The following C8A variants were observed in gnomAD, a reference collection of about 807,000 sequenced individuals.
C8A encodes complement C8 alpha chain, also known as complement component C8 alpha chain.
A neutral mutation model predicts 65.3 loss-of-function variants in C8A; 67 were observed. The observed-to-expected ratio is 1.03, with a 90% CI of 0.84 to 1.26. The LOEUF (loss-of-function observed/expected upper bound fraction) is 1.26. Among genes scored for constraint, C8A ranks in the 50% most tolerant of loss-of-function variants. The pLI is 0.00. For synonymous variants in C8A, 290 were observed against 259.4 expected, an observed-to-expected ratio of 1.12 and a Z score of -1.13; for missense variants, 781 against 723.9, an observed-to-expected ratio of 1.08 and a Z score of -0.90.
chr1:56,854,954 T>C lies in C8A; in HGVS notation c.53T>C (p.Val18Ala), dbSNP rs1487247262. ...TCTTTGATGACTTGTCAGCCTGGGG[T>C]AACTGCACAGGAGAAGGTGAACCAG... is the stretch of plus-strand genomic sequence containing the variant. The part of the protein sequence containing the change: ...ILSLMTCQPG[V>A]TAQEKVNQRV... Residue 18 changes from valine to alanine, a missense_variant, in exon 1 of 11, where the codon GTA (valine) becomes GCA (alanine). Coordinates refer to ENST00000361249, the MANE Select transcript of C8A (RefSeq NM_000562.3). The C allele has an allele frequency of 3.7e-6, 6 of 1,613,676 alleles. No homozygotes were observed. The Admixed American group carries it at 8.3e-5, about 22-fold the overall frequency.
chr1:56,906,583 C>T (rs749962449), intron 7 of C8A, 84 bp from the exon 8 acceptor site: 10 of 1,547,324 alleles, frequency 6.5e-6, no homozygotes, highest in Non-Finnish European at 4.5e-6. Context: ...CTGAAGCTAG[C>T]TTTTACTACT....
intron 8 of C8A, 67 bp downstream of exon 8, chr1:56,906,859 A>C: frequency 1.9e-6 from 3 of 1,594,130 alleles, no homozygotes; most frequent in Non-Finnish European, 2.6e-6. Context: ...ACACTGGGAC[A>C]TGGAAGCTAT....
chr1:56,870,912 T>C (rs1236270337), intron 2 of C8A, among the ~76,000 whole-genome samples: 1 of 152,190 alleles, frequency 6.6e-6, no homozygotes, highest in East Asian at 1.9e-4. Flanking sequence ...AAGGAAACAT[T>C]ATCTACCAGT....
At chr1:56,906,942 C>G (rs903333572) in intron 8 of C8A, 150 bp downstream of exon 8, 3 of 942,908 alleles carry the variant, frequency 3.2e-6, no homozygotes, top group Middle Eastern at 2.3e-4. Context: ...AAACAATGAC[C>G]TGCAGTGGCT....
chr1:56,874,225 G>A (rs938865192), intron 2 of C8A, among the ~76,000 whole-genome samples: 59 of 152,190 alleles, frequency 3.9e-4, no homozygotes, highest in African/African-American at 1.4e-3. Flanking sequence ...GTTGAGTCAT[G>A]TGCCAATCCT....
At chr1:56,880,037 G>A (rs1021564689) in intron 4 of C8A, among the ~76,000 whole-genome samples, 1 of 152,154 alleles carries the variant, frequency 6.6e-6, no homozygotes, top group Admixed American at 6.6e-5. Context: ...TTGACAGAAG[G>A]CAACATTTGA....
At position 56,904,049 on chromosome 1, in the gene C8A, T is replaced by C. The variant is rs114290959; in HGVS notation, c.1097-2618T>C. Among the ~76,000 whole-genome samples the C allele has an allele frequency of 6.2e-3, 947 of 152,296 alleles. 12 individuals are homozygous for C. Among genetic ancestry groups the C allele is most frequent in the South Asian group, 0.04 (192 of 4,828 alleles). ...TCTAGTTCCATGAATATAGTCAGTC[T>C]ATCCACACTACACACCTATCTGGGC... is the stretch of plus-strand genomic sequence containing the variant. On this transcript the variant is annotated intron_variant, in intron 7 of 10. Coordinates refer to ENST00000361249, the MANE Select transcript of C8A (RefSeq NM_000562.3).
At chr1:56,889,950 C>T (rs560324326) in intron 7 of C8A, among the ~76,000 whole-genome samples, 9 of 152,226 alleles carry the variant, frequency 5.9e-5, no homozygotes, top group Admixed American at 2.6e-4. Flanking sequence ...TTCTACCTTC[C>T]GCAGGTATCA....
chr1:56,895,098 A>G (rs1644378751), intron 7 of C8A, among the ~76,000 whole-genome samples: 1 of 152,152 alleles, frequency 6.6e-6, no homozygotes, highest in South Asian at 2.1e-4. Context: ...GGTTAAGTAA[A>G]TGGCTCAGTG....
intron 7 of C8A, among the ~76,000 whole-genome samples, chr1:56,905,407 A>G (rs760189042): frequency 3.9e-5 from 6 of 152,246 alleles, no homozygotes; most frequent in Non-Finnish European, 8.8e-5. Flanking sequence ...TCCTTCCATC[A>G]GAAACCCTTA....
chr1:56,856,288 T>C (rs1379289124), intron 1 of C8A, among the ~76,000 whole-genome samples: 1 of 152,146 alleles, frequency 6.6e-6, no homozygotes, highest in Non-Finnish European at 1.5e-5. Flanking sequence ...CTCAGGCAAG[T>C]TATTTAATTT....
chr1:56,863,123 A>C (rs1054609006), intron 1 of C8A, among the ~76,000 whole-genome samples: 2 of 152,224 alleles, frequency 1.3e-5, no homozygotes, highest in African/African-American at 2.4e-5. Flanking sequence ...ATATGTTATG[A>C]AAATAAACAG....
intron 4 of C8A, among the ~76,000 whole-genome samples, chr1:56,878,645 C>G (rs905539662): frequency 5.9e-5 from 9 of 151,962 alleles, no homozygotes; most frequent in Non-Finnish European, 2.9e-5. Flanking sequence ...TTAAGCATTT[C>G]CCAGATTAAA....
chr1:56,889,734 T>C (rs1307918585), intron 7 of C8A, among the ~76,000 whole-genome samples: 5 of 152,112 alleles, frequency 3.3e-5, no homozygotes, highest in African/African-American at 1.2e-4. Context: ...TCTTTTGTCC[T>C]TGGGTTTGCT....
chr1:56,898,887 C>A (rs1348472791), intron 7 of C8A, among the ~76,000 whole-genome samples: 2 of 152,086 alleles, frequency 1.3e-5, no homozygotes, highest in Non-Finnish European at 2.9e-5. Flanking sequence ...CTGAATTGGA[C>A]AATAAGGAGG....
intron 7 of C8A, among the ~76,000 whole-genome samples, chr1:56,895,549 G>A (rs1229335869): frequency 6.6e-6 from 1 of 152,094 alleles, no homozygotes; most frequent in Non-Finnish European, 1.5e-5. Context: ...TTAGTAGATT[G>A]TAAAAGAAAT....
chr1:56,867,589 T>G lies in C8A; in HGVS notation c.78-20T>G. 6.3e-7 allele frequency: 1 copy of G among 1,590,522 alleles called. No homozygotes were observed. The highest frequency in any genetic ancestry group is 8.6e-7 in the Non-Finnish European group (1 of 1,158,784). ...AATTTTGCATCTCAAAATTGATGCA[T>G]GGATCTTCCCTTTCTTTAGGAGAGT... On this transcript the variant is annotated intron_variant, in intron 1 of 10. Transcript: ENST00000361249.
intron 1 of C8A, among the ~76,000 whole-genome samples, chr1:56,856,273 C>T (rs1347936264): frequency 6.6e-6 from 1 of 152,142 alleles, no homozygotes; most frequent in African/African-American, 2.4e-5. Context: ...CACTAGCTGT[C>T]TGATCTCAGG....
intron 7 of C8A, among the ~76,000 whole-genome samples, chr1:56,891,726 A>C (rs1315174135): frequency 6.6e-6 from 1 of 152,108 alleles, no homozygotes; most frequent in Non-Finnish European, 1.5e-5. Context: ...GTGTGTGTGC[A>C]TGCACACATA....
Sources: gnomAD v4.1 joint callset for allele counts (sites outside exome capture counted in the v4.1 genomes callset) on GRCh38, gnomAD v4.1.1 for gene constraint, MANE v1.5 for transcripts, NCBI Gene and HGNC (gene_info 2026-07-23, HGNC 2026-07-21) for gene names.